Variants in LRCH1 observed in about 807,000 individuals in gnomAD.
LRCH1 encodes leucine rich repeats and calponin homology domain containing 1, also known as leucine-rich repeat and calponin homology domain-containing protein 1.
Under a neutral mutation model 94.9 loss-of-function variants are expected in LRCH1, and 23 were observed. The observed-to-expected ratio is 0.24, with a 90% CI of 0.17 to 0.34. LRCH1 has a LOEUF of 0.34. LRCH1 is among the 10% of genes least tolerant of loss of function. The pLI, the probability that LRCH1 is intolerant of heterozygous loss-of-function variation, is 1.00. For synonymous variants in LRCH1, 364 were observed against 354.9 expected, an observed-to-expected ratio of 1.03 and a Z score of -0.29; for missense variants, 790 against 945.9, an observed-to-expected ratio of 0.84 and a Z score of 2.16.
chr13:46,749,207 TA>T (rs1238616005), downstream of LRCH1, among the ~76,000 whole-genome samples: 9 of 152,258 alleles, frequency 5.9e-5, no homozygotes, highest in Middle Eastern at 3.4e-3. Context: ...TACTCAGCCT[TA>T]AAAAGAAGGA....
intron 13 of LRCH1, among the ~76,000 whole-genome samples, 189 bp from the exon 14 acceptor site, chr13:46,711,602 C>T (rs1192104074): frequency 6.6e-6 from 1 of 152,204 alleles, no homozygotes. Context: ...TCTATGAATA[C>T]AGCTGCATGT....
chr13:46,586,060 A>G (rs1247408837), intron 1 of LRCH1, among the ~76,000 whole-genome samples: 2 of 152,220 alleles, frequency 1.3e-5, no homozygotes, highest in Non-Finnish European at 2.9e-5. Flanking sequence ...TTTGAGTTTT[A>G]TAACTTTAAA....
chr13:46,560,536 G>A (rs912433), intron 1 of LRCH1, among the ~76,000 whole-genome samples: 72,647 of 151,658 alleles, frequency 0.48, 19,342 homozygotes, highest in Middle Eastern at 0.59. Flanking sequence ...TTATAAGATT[G>A]TAATCTATTA....
chr13:46,554,543 T>A lies in LRCH1; in HGVS notation c.307+840T>A, dbSNP rs116739107. 5.8e-3 allele frequency among the ~76,000 whole-genome samples: 882 copies of A among 152,334 alleles called. 15 individuals carry two copies. Among genetic ancestry groups the A allele is most frequent in the African/African-American group, 0.021 (855 of 41,576 alleles). On this transcript the variant is annotated intron_variant, in intron 1 of 19. Transcript: ENST00000389797. ...AGTAATTAACGTGAGCCTGTTTTCCTGTGTGAGCCCGGCAAGTTGTAACTC... is the reference window on the plus strand; with the variant it reads ...AGTAATTAACGTGAGCCTGTTTTCCAGTGTGAGCCCGGCAAGTTGTAACTC...
chr13:46,595,526 A>C (rs1482137091), intron 1 of LRCH1, among the ~76,000 whole-genome samples: 1 of 152,214 alleles, frequency 6.6e-6, no homozygotes, highest in East Asian at 1.9e-4. Context: ...TCCTAGGTTT[A>C]TTACTGACAT....
chr13:46,573,105 C>T (rs57977695), intron 1 of LRCH1, among the ~76,000 whole-genome samples: 18,337 of 152,224 alleles, frequency 0.12, 1,129 homozygotes, highest in Middle Eastern at 0.2. Flanking sequence ...TACATGTTAA[C>T]TCTTATCATT....
At position 46,674,007 on chromosome 13, in the gene LRCH1, C is replaced by T. The variant is rs193090103; in HGVS notation, c.579+4851C>T. Among the ~76,000 whole-genome samples, 389 of 152,294 alleles carry T rather than the reference C, an allele frequency of 2.6e-3. 1 individual carries two copies. Among genetic ancestry groups the T allele is most frequent in the South Asian group, 7.3e-3 (35 of 4,824 alleles). ...GTGTTGGCCAGGCTGCTGTCGAACT[C>T]CTGACCTCAAGTGATCCACCCACCT... is the stretch of plus-strand genomic sequence containing the variant. On this transcript the variant is annotated intron_variant, in intron 3 of 19. Transcript: ENST00000389797.
intron 2 of LRCH1, among the ~76,000 whole-genome samples, chr13:46,666,932 C>A (rs907792187): frequency 2.0e-5 from 3 of 152,094 alleles, no homozygotes; most frequent in Admixed American, 1.3e-4. Context: ...GGCCCTAGCT[C>A]CTCCCTTCCA....
At chr13:46,699,822 A>T (rs1263314359) in intron 10 of LRCH1, among the ~76,000 whole-genome samples, 1 of 152,182 alleles carries the variant, frequency 6.6e-6, no homozygotes, top group Non-Finnish European at 1.5e-5. Context: ...AAGACTTCTA[A>T]CTGCCAGAGC....
chr13:46,574,856 G>T (rs2050285382), intron 1 of LRCH1, among the ~76,000 whole-genome samples: 2 of 139,818 alleles, frequency 1.4e-5, no homozygotes, highest in African/African-American at 2.8e-5. Flanking sequence ...TGGTGTATGG[G>T]CTATTTATTG....
intron 17 of LRCH1, among the ~76,000 whole-genome samples, chr13:46,725,214 A>G (rs1415150193): frequency 2.8e-5 from 4 of 143,494 alleles, no homozygotes; most frequent in African/African-American, 1.2e-4. Context: ...GGGGAGAGAT[A>G]GGGGGTGAGG....
chr13:46,567,097 C>G (rs1474968860), intron 1 of LRCH1, among the ~76,000 whole-genome samples: 1 of 151,410 alleles, frequency 6.6e-6, no homozygotes, highest in African/African-American at 2.5e-5. Flanking sequence ...CTGATATTTT[C>G]TATAAACAGT....
chr13:46,687,771 AAT>A, intron 5 of LRCH1, 79 bp from the exon 6 acceptor site: 1 of 1,181,000 alleles, frequency 8.5e-7, no homozygotes, highest in Non-Finnish European at 1.2e-6. Context: ...GGAAAATTGA[AAT>A]ATACAGAGTA....
At chr13:46,671,867 C>T (rs1262167754) in intron 3 of LRCH1, among the ~76,000 whole-genome samples, 3 of 152,236 alleles carry the variant, frequency 2.0e-5, no homozygotes, top group Non-Finnish European at 2.9e-5. Context: ...CTGTCATCAA[C>T]GTTCCCCACC....
chr13:46,626,206 A>C (rs921951976), intron 1 of LRCH1, among the ~76,000 whole-genome samples: 3 of 152,206 alleles, frequency 2.0e-5, no homozygotes, highest in Non-Finnish European at 4.4e-5. Flanking sequence ...TTCAGTGTGC[A>C]AAGGTGGGTG....
chr13:46,730,113 G>A (rs1873024700), intron 18 of LRCH1, among the ~76,000 whole-genome samples: 9 of 152,130 alleles, frequency 5.9e-5, no homozygotes, highest in Admixed American at 3.9e-4. Flanking sequence ...TATACAAATA[G>A]AGAAAAAAGT....
At chr13:46,650,142 A>G (rs2051273633) in intron 1 of LRCH1, 59 bp from the exon 2 acceptor site, 2 of 1,238,508 alleles carry the variant, frequency 1.6e-6, no homozygotes, top group African/African-American at 3.0e-5. Flanking sequence ...TGTGGTTAAT[A>G]AAAGTGTATT....
intron 1 of LRCH1, among the ~76,000 whole-genome samples, chr13:46,610,014 ACTTT>A (rs141636357): frequency 3.0e-4 from 45 of 152,224 alleles, no homozygotes; most frequent in African/African-American, 1.1e-3. Flanking sequence ...TAGTTTCTCC[ACTTT>A]CTTTTTCTCC....
chr13:46,712,534 A>T lies in LRCH1; in HGVS notation c.1591A>T (p.Asn531Tyr), dbSNP rs1411236720. The T allele has an allele frequency of 6.2e-7, 1 of 1,613,422 alleles. No individual in the cohort carries two copies. Among genetic ancestry groups the T allele is most frequent in the East Asian group, 2.2e-5 (1 of 44,872 alleles). The change falls in exon 15 of 20, where the codon AAC becomes TAC. Residue 531 changes from asparagine to tyrosine, a missense_variant. Physicochemically the swap from Asn to Tyr is moderately radical, Grantham distance 143 (BLOSUM62 -2). Coordinates refer to ENST00000389797, the MANE Select transcript of LRCH1 (RefSeq NM_001164211.2). ...SQYSPNEIRENSPAVSPTTNS... is the reference protein window; with the variant it reads ...SQYSPNEIREYSPAVSPTTNS... ...CCTTCCAACACCACAGATTAGAGAG[A>T]ACTCCCCTGCAGTCTCTCCTACCAC...
Sources: allele counts gnomAD v4.1 joint callset (sites outside exome capture counted in the v4.1 genomes callset), GRCh38; gene constraint gnomAD v4.1.1; transcripts MANE v1.5; gene names NCBI Gene and HGNC (gene_info 2026-07-23, HGNC 2026-07-21).